ARHGAP15: variants seen among roughly 807,000 people sequenced by gnomAD.
The protein encoded by ARHGAP15 is Rho GTPase activating protein 15.
ARHGAP15 carries 51 observed loss-of-function variants against 63.7 expected under a neutral mutation model. The ratio of observed to expected loss-of-function variants is 0.80; its 90% CI spans 0.64 to 1.01. The LOEUF is 1.01. Among genes scored for constraint, ARHGAP15 ranks in the 50% least tolerant of loss-of-function variants. The probability of loss-of-function intolerance (pLI) is 0.00; values close to 1 mark genes in which losing one functional copy is unlikely to be tolerated. For missense variants in ARHGAP15, 560 were observed against 564.6 expected (o/e 0.99, Z 0.08); for synonymous variants, 191 against 193.8 (o/e 0.99, Z 0.12).
chr2:143,221,033 C>G (rs977842613), intron 4 of ARHGAP15, among the ~76,000 whole-genome samples: 2 of 152,036 alleles, frequency 1.3e-5, no homozygotes, highest in African/African-American at 4.8e-5. Context: ...GCTTGAAACA[C>G]GTTTGCTTTA....
intron 8 of ARHGAP15, among the ~76,000 whole-genome samples, chr2:143,463,547 T>TGGGGGGGGGGGGGG (rs150451243): frequency 2.5e-5 from 1 of 39,682 alleles, no homozygotes; most frequent in Non-Finnish European, 5.6e-5. Context: ...TCTTGGGGGG[T>TGGGGGGGGGGGGGG]GGGGGGGGAA....
intron 13 of ARHGAP15, among the ~76,000 whole-genome samples, chr2:143,708,401 A>T (rs1684426686): frequency 6.6e-6 from 1 of 152,210 alleles, no homozygotes; most frequent in Admixed American, 6.5e-5. Flanking sequence ...TTACTGCTAA[A>T]TTTCATGATT....
At chr2:143,735,703 A>G (rs1685717604) in intron 13 of ARHGAP15, among the ~76,000 whole-genome samples, 1 of 152,086 alleles carries the variant, frequency 6.6e-6, no homozygotes, top group Non-Finnish European at 1.5e-5. Flanking sequence ...AGTGAGGGAG[A>G]AGCAGTTTTC....
At chr2:143,155,720 A>G (rs975397408) in intron 2 of ARHGAP15, 65 bp downstream of exon 2, 4 of 1,460,384 alleles carry the variant, frequency 2.7e-6, no homozygotes, top group African/African-American at 1.4e-5. Flanking sequence ...AGGAAAAAAA[A>G]AAGCTAATTA....
intron 8 of ARHGAP15, among the ~76,000 whole-genome samples, chr2:143,453,046 A>T (rs1031581227): frequency 2.0e-5 from 3 of 151,820 alleles, no homozygotes; most frequent in African/African-American, 7.3e-5. Flanking sequence ...TAGAGAGCTT[A>T]CCAGGCTGTA....
intron 13 of ARHGAP15, among the ~76,000 whole-genome samples, chr2:143,748,942 G>A (rs1474068765): frequency 6.6e-6 from 1 of 151,910 alleles, no homozygotes; most frequent in Non-Finnish European, 1.5e-5. Flanking sequence ...TTGTCACTAA[G>A]GCAAAGTATA....
At chr2:143,715,506 T>C (rs886835520) in intron 13 of ARHGAP15, among the ~76,000 whole-genome samples, 9 of 152,204 alleles carry the variant, frequency 5.9e-5, no homozygotes, top group African/African-American at 2.2e-4. Flanking sequence ...ATATTTTTCT[T>C]TTCATCCTGA....
chr2:143,414,272 T>C (rs1166606362), intron 6 of ARHGAP15, among the ~76,000 whole-genome samples: 1 of 151,568 alleles, frequency 6.6e-6, no homozygotes, highest in Non-Finnish European at 1.5e-5. Context: ...TCAATAAAAC[T>C]GAAAAGCTGT....
chr2:143,585,726 T>C (rs965962856), intron 11 of ARHGAP15, among the ~76,000 whole-genome samples: 2 of 152,184 alleles, frequency 1.3e-5, no homozygotes, highest in Non-Finnish European at 2.9e-5. Context: ...AGGAAATTAG[T>C]ACAATTATTC....
chr2:143,725,087 G>A (rs573774109), intron 13 of ARHGAP15, among the ~76,000 whole-genome samples: 1 of 152,126 alleles, frequency 6.6e-6, no homozygotes, highest in African/African-American at 2.4e-5. Flanking sequence ...TACTAATTTT[G>A]TTGTTCGATT....
intron 12 of ARHGAP15, among the ~76,000 whole-genome samples, chr2:143,643,937 A>G (rs913374849): frequency 6.6e-6 from 1 of 152,106 alleles, no homozygotes; most frequent in Non-Finnish European, 1.5e-5. Flanking sequence ...TATCAGTCAG[A>G]TGATTATTCT....
At chr2:143,235,548 T>G (rs548886357) in intron 5 of ARHGAP15, among the ~76,000 whole-genome samples, 7 of 152,190 alleles carry the variant, frequency 4.6e-5, no homozygotes, top group Non-Finnish European at 8.8e-5. Context: ...GTTCTCCAGG[T>G]GTCTTCATTC....
At chr2:143,555,860 A>AAGAAATAGAAT (rs1695766222) in intron 10 of ARHGAP15, among the ~76,000 whole-genome samples, 2 of 138,094 alleles carry the variant, frequency 1.4e-5, no homozygotes, top group Non-Finnish European at 3.2e-5. Context: ...ACAGGAAAAC[A>AAGAAATAGAAT]AGAATAGAAT....
intron 10 of ARHGAP15, among the ~76,000 whole-genome samples, chr2:143,540,900 T>G (rs1361893587): frequency 6.6e-6 from 1 of 152,220 alleles, no homozygotes; most frequent in Non-Finnish European, 1.5e-5. Context: ...ATTCTCTGTA[T>G]TTCTTGAATT....
intron 12 of ARHGAP15, among the ~76,000 whole-genome samples, chr2:143,689,421 CTTTT>C: frequency 6.6e-6 from 1 of 152,150 alleles, no homozygotes; most frequent in East Asian, 1.9e-4. Flanking sequence ...GAGTTCTAAG[CTTTT>C]TATGAGCATT....
intron 6 of ARHGAP15, among the ~76,000 whole-genome samples, chr2:143,339,724 C>T (rs762684806): frequency 6.6e-6 from 1 of 152,152 alleles, no homozygotes; most frequent in Non-Finnish European, 1.5e-5. Context: ...GTTTTGTCTA[C>T]TGACAATCTA....
chr2:143,275,824 T>C (rs1215842354), intron 6 of ARHGAP15, among the ~76,000 whole-genome samples: 1 of 152,218 alleles, frequency 6.6e-6, no homozygotes, highest in Non-Finnish European at 1.5e-5. Context: ...TTAACACCAC[T>C]GTTCATTTGT....
At chr2:143,257,856 T>A (rs993731667) in intron 6 of ARHGAP15, among the ~76,000 whole-genome samples, 2 of 152,138 alleles carry the variant, frequency 1.3e-5, no homozygotes, top group Non-Finnish European at 2.9e-5. Flanking sequence ...GTGTATGGTT[T>A]TTCTACTTGT....
At chr2:143,195,218 C>CA (rs369012112) in intron 2 of ARHGAP15, among the ~76,000 whole-genome samples, 142 of 145,564 alleles carry the variant, frequency 9.8e-4, no homozygotes, top group Middle Eastern at 3.5e-3. Context: ...GCCCCCCTCC[C>CA]AAAAAAAAAA....
Sources: allele counts gnomAD v4.1 joint callset (sites outside exome capture counted in the v4.1 genomes callset), GRCh38; gene constraint gnomAD v4.1.1; transcripts MANE v1.5; gene names NCBI Gene and HGNC (gene_info 2026-07-23, HGNC 2026-07-21).